The following EFNA5 variants were observed in gnomAD, a reference collection of about 807,000 sequenced individuals.
EFNA5 encodes ephrin A5, also known as ephrin-A5.
EFNA5 carries 5 observed loss-of-function variants against 22.9 expected under a neutral mutation model. The observed-to-expected ratio is 0.22, with a 90% CI of 0.11 to 0.46. The LOEUF is 0.46. EFNA5 is among the 20% of genes least tolerant of loss of function. The pLI, the probability that EFNA5 is intolerant of heterozygous loss-of-function variation, is 0.99. For missense variants in EFNA5, 237 were observed against 293.3 expected, an observed-to-expected ratio of 0.81 and a Z score of 1.40; for synonymous variants, 113 against 112.2, an observed-to-expected ratio of 1.01 and a Z score of -0.04.
At chr5:107,584,816 C>T (rs1345875620) in intron 1 of EFNA5, among the ~76,000 whole-genome samples, 1 of 152,124 alleles carries the variant, frequency 6.6e-6, no homozygotes, top group Admixed American at 6.5e-5. Context: ...CCAGCTGCTG[C>T]TAAAATACTA....
intron 1 of EFNA5, among the ~76,000 whole-genome samples, chr5:107,436,166 C>A (rs1749104842): frequency 6.6e-6 from 1 of 152,212 alleles, no homozygotes; most frequent in Admixed American, 6.5e-5. Context: ...GAAATTGCAC[C>A]TGTTTCATAT....
intron 1 of EFNA5, among the ~76,000 whole-genome samples, chr5:107,528,607 T>C (rs1365845817): frequency 6.6e-6 from 1 of 152,140 alleles, no homozygotes; most frequent in Non-Finnish European, 1.5e-5. Context: ...CTATTCTTGG[T>C]TGTATTGAGT....
intron 1 of EFNA5, among the ~76,000 whole-genome samples, chr5:107,512,315 T>C (rs1017318712): frequency 1.4e-4 from 22 of 151,972 alleles, no homozygotes; most frequent in African/African-American, 4.8e-4. Flanking sequence ...TGCAATCGCC[T>C]GGGTATAAGC....
intron 1 of EFNA5, among the ~76,000 whole-genome samples, chr5:107,570,664 G>A (rs886759657): frequency 1.3e-5 from 2 of 150,530 alleles, no homozygotes; most frequent in African/African-American, 4.9e-5. Context: ...GGTGGGGGCG[G>A]GCAGGTATTA....
intron 1 of EFNA5, among the ~76,000 whole-genome samples, chr5:107,555,397 A>G (rs1423619931): frequency 1.3e-5 from 2 of 152,306 alleles, no homozygotes; most frequent in African/African-American, 4.8e-5. Flanking sequence ...GTTATATGCC[A>G]TTTTGTGTAC....
rs909640055 is a variant in EFNA5 at position 107,443,452 on chromosome 5, G to C, written c.126-15943C>G. On this transcript the variant is annotated intron_variant, in intron 1 of 4. Transcript: ENST00000333274. ...AGAACAGCATAATTAGAGCAAGGGG[G>C]AACAGAGTATCATTCCCCAAGCATT... 3.2e-4 allele frequency among the ~76,000 whole-genome samples: 49 copies of C among 152,322 alleles called. 1 individual carries two copies. The highest frequency in any genetic ancestry group is 1.1e-3 in the African/African-American group (47 of 41,556).
rs188629196 is a variant in EFNA5 at position 107,567,626 on chromosome 5, C to T, written c.125+102863G>A. ...CCCAAGACTCCCAAGAAAGGGAAGA[C>T]AAAAGGCAGACATTCATACACAGGG... On this transcript the variant is annotated intron_variant, in intron 1 of 4. Coordinates refer to ENST00000333274, the MANE Select transcript of EFNA5 (RefSeq NM_001962.3). Among the ~76,000 whole-genome samples the T allele has an allele frequency of 8.5e-5, 13 of 152,316 alleles. No homozygotes were observed. In the East Asian group the frequency reaches 2.5e-3, roughly 29 times the overall value.
intron 1 of EFNA5, among the ~76,000 whole-genome samples, chr5:107,518,744 G>A (rs906277625): frequency 6.6e-6 from 1 of 152,110 alleles, no homozygotes; most frequent in Non-Finnish European, 1.5e-5. Context: ...AGCAACACTA[G>A]TTCCTACAAC....
chr5:107,550,247 T>C (rs1748259926), intron 1 of EFNA5, among the ~76,000 whole-genome samples: 1 of 152,220 alleles, frequency 6.6e-6, no homozygotes, highest in Admixed American at 6.5e-5. Context: ...ATGTCAAATG[T>C]CAATTTAACA....
At chr5:107,558,189 C>G (rs57382091) in intron 1 of EFNA5, among the ~76,000 whole-genome samples, 1 of 151,880 alleles carries the variant, frequency 6.6e-6, no homozygotes, top group South Asian at 2.1e-4. Context: ...CCGAAATATT[C>G]GAAGTTAAGC....
At chr5:107,644,881 A>G (rs914775967) in intron 1 of EFNA5, among the ~76,000 whole-genome samples, 14 of 152,114 alleles carry the variant, frequency 9.2e-5, no homozygotes, top group African/African-American at 3.4e-4. Context: ...TTGTATTTTT[A>G]GTAGAGATGG....
At chr5:107,618,853 CCTT>C (rs1749976121) in intron 1 of EFNA5, among the ~76,000 whole-genome samples, 1 of 152,082 alleles carries the variant, frequency 6.6e-6, no homozygotes, top group African/African-American at 2.4e-5. Flanking sequence ...CATCCTAACT[CCTT>C]CTTAAGGGAT....
intron 1 of EFNA5, among the ~76,000 whole-genome samples, chr5:107,466,913 T>G (rs1750003298): frequency 6.6e-6 from 1 of 152,168 alleles, no homozygotes; most frequent in Non-Finnish European, 1.5e-5. Context: ...ATAACAATCC[T>G]AAATTAATTG....
At chr5:107,457,608 G>C (rs1049660092) in intron 1 of EFNA5, among the ~76,000 whole-genome samples, 2 of 152,080 alleles carry the variant, frequency 1.3e-5, no homozygotes, top group Non-Finnish European at 2.9e-5. Context: ...ATCCAAGGTT[G>C]GTTGAGTCCA....
chr5:107,506,389 A>C (rs1237809149), intron 1 of EFNA5, among the ~76,000 whole-genome samples: 2 of 152,226 alleles, frequency 1.3e-5, no homozygotes, highest in Non-Finnish European at 2.9e-5. Context: ...TCTGAACTCT[A>C]TTGGTGTAAG....
chr5:107,652,609 C>CTGTTTA (rs1481870297), intron 1 of EFNA5, among the ~76,000 whole-genome samples: 5 of 152,166 alleles, frequency 3.3e-5, no homozygotes, highest in Non-Finnish European at 4.4e-5. Flanking sequence ...TAAAAGCATG[C>CTGTTTA]TTACAATATC....
intron 1 of EFNA5, among the ~76,000 whole-genome samples, chr5:107,498,104 CG>C (rs1323304712): frequency 7.2e-5 from 11 of 151,996 alleles, no homozygotes. Flanking sequence ...TTAGTAGAGA[CG>C]GGGTTTCACC....
chr5:107,464,389 G>A lies in EFNA5; in HGVS notation c.126-36880C>T, dbSNP rs770892075. ...CCCCAGAATAAATGAAAGACAGCAA[G>A]ATTGTACTTTAGCAAAGGTGGGGCA... On this transcript the variant is annotated intron_variant, in intron 1 of 4. Transcript: ENST00000333274. Among the ~76,000 whole-genome samples the A allele has an allele frequency of 5.3e-5, 8 of 152,164 alleles. No homozygotes were observed. In the South Asian group the frequency reaches 1.4e-3, roughly 28 times the overall value.
At chr5:107,390,822 A>C (rs1580418890) in intron 2 of EFNA5, among the ~76,000 whole-genome samples, 1 of 152,332 alleles carries the variant, frequency 6.6e-6, no homozygotes, top group Non-Finnish European at 1.5e-5. Context: ...AAAATCCATT[A>C]CATATTACTG....
Sources: allele counts gnomAD v4.1 joint callset (sites outside exome capture counted in the v4.1 genomes callset), GRCh38; gene constraint gnomAD v4.1.1; transcripts MANE v1.5; gene names NCBI Gene and HGNC (gene_info 2026-07-23, HGNC 2026-07-21).